ATRNL1: variants seen among roughly 807,000 people sequenced by gnomAD.
ATRNL1 encodes the protein attractin-like protein 1.
In ATRNL1, 95 loss-of-function variants were observed where a neutral mutation model predicts 182.7. The ratio of observed to expected loss-of-function variants is 0.52; its 90% confidence interval spans 0.44 to 0.62. The LOEUF (loss-of-function observed/expected upper bound fraction) is 0.62. Ranked by LOEUF, ATRNL1 falls within the 20% of genes least tolerant of loss-of-function variation. The pLI, the probability that ATRNL1 is intolerant of heterozygous loss-of-function variation, is 0.00. For synonymous variants in ATRNL1, 576 were observed against 568.3 expected (o/e 1.01, Z -0.19); for missense variants, 1,471 against 1,679.5 (o/e 0.88, Z 2.17).
intron 24 of ATRNL1, among the ~76,000 whole-genome samples, chr10:115,498,555 T>C (rs538181653): frequency 6.6e-6 from 1 of 152,112 alleles, no homozygotes; most frequent in African/African-American, 2.4e-5. Context: ...CTTTGTAAGA[T>C]TTTTCTTCTG....
At chr10:115,598,237 A>T (rs1184186708) in intron 26 of ATRNL1, among the ~76,000 whole-genome samples, 1 of 151,174 alleles carries the variant, frequency 6.6e-6, no homozygotes, top group African/African-American at 2.4e-5. Flanking sequence ...GTGTGAGCAT[A>T]TAACTATAGA....
At chr10:115,898,367 C>T (rs1555112964) in intron 28 of ATRNL1, among the ~76,000 whole-genome samples, 1 of 152,194 alleles carries the variant, frequency 6.6e-6, no homozygotes, top group African/African-American at 2.4e-5. Flanking sequence ...CCAGTTTGCA[C>T]CATGTGATTT....
chr10:115,561,570 T>C (rs1368257532), intron 26 of ATRNL1, among the ~76,000 whole-genome samples: 1 of 152,166 alleles, frequency 6.6e-6, no homozygotes, highest in Non-Finnish European at 1.5e-5. Flanking sequence ...TATATGCCAC[T>C]ATGACACCAT....
At chr10:115,225,477 A>AATATAATATAATATG (rs1849655574) in intron 9 of ATRNL1, among the ~76,000 whole-genome samples, 1 of 147,050 alleles carries the variant, frequency 6.8e-6, no homozygotes, top group South Asian at 2.1e-4. Context: ...AAGGCAGATT[A>AATATAATATAATATG]ATATAATATA....
chr10:115,749,134 T>A (rs989021421), intron 27 of ATRNL1, among the ~76,000 whole-genome samples: 1 of 151,956 alleles, frequency 6.6e-6, no homozygotes, highest in African/African-American at 2.4e-5. Context: ...CAAACTAGAA[T>A]AGAATACTAT....
At position 115,624,789 on chromosome 10, in the gene ATRNL1, A is replaced by G. The variant is rs568445329; in HGVS notation, c.3795+75253A>G. Among the ~76,000 whole-genome samples, 5 of 152,314 alleles carry G rather than the reference A, an allele frequency of 3.3e-5. No individual in the cohort carries two copies. The East Asian group carries it at 5.8e-4, about 18-fold the overall frequency. ...AAAGTAGTGTCTATAATGCTCCTAT[A>G]TAAAATAATTAGGGGGTGATAAGGA... On this transcript the variant is annotated intron_variant, in intron 26 of 28. Coordinates refer to ENST00000355044, the MANE Select transcript of ATRNL1 (RefSeq NM_207303.4).
At chr10:115,274,319 C>T (rs782167362) in intron 13 of ATRNL1, among the ~76,000 whole-genome samples, 4 of 152,086 alleles carry the variant, frequency 2.6e-5, no homozygotes, top group African/African-American at 9.7e-5. Flanking sequence ...AGTAACATAC[C>T]CCAGTGAGGA....
chr10:115,914,151 G>T (rs1275371445), intron 28 of ATRNL1, among the ~76,000 whole-genome samples: 4 of 152,176 alleles, frequency 2.6e-5, no homozygotes, highest in African/African-American at 9.6e-5. Context: ...ACCATGTGAA[G>T]AAGAACGTGT....
intron 26 of ATRNL1, among the ~76,000 whole-genome samples, chr10:115,721,804 C>G (rs1372148540): frequency 6.6e-6 from 1 of 152,112 alleles, no homozygotes; most frequent in African/African-American, 2.4e-5. Flanking sequence ...ATATTTTAAT[C>G]AAAGATCCAG....
At chr10:115,159,217 G>A (rs1212735615) in intron 5 of ATRNL1, among the ~76,000 whole-genome samples, 1 of 151,312 alleles carries the variant, frequency 6.6e-6, no homozygotes, top group Non-Finnish European at 1.5e-5. Context: ...AAACATAGGA[G>A]TTTATGTCTA....
At chr10:115,932,938 C>A (rs1953447602) in intron 28 of ATRNL1, among the ~76,000 whole-genome samples, 1 of 152,122 alleles carries the variant, frequency 6.6e-6, no homozygotes, top group African/African-American at 2.4e-5. Flanking sequence ...AACACTTTAG[C>A]CTTGACTTAA....
At position 115,622,804 on chromosome 10, in the gene ATRNL1, G is replaced by A. The variant is rs537023398; in HGVS notation, c.3795+73268G>A. 2.8e-4 allele frequency among the ~76,000 whole-genome samples: 43 copies of A among 152,182 alleles called. 1 individual carries two copies. The South Asian group carries it at 8.5e-3, about 30-fold the overall frequency. On this transcript the variant is annotated intron_variant, in intron 26 of 28. Transcript: ENST00000355044. The stretch of plus-strand genomic sequence containing the variant: ...TAGCCAGGCAAGGTGGCGGGCGCCT[G>A]TAGTCCCAGCTACGTGGGAGGCTGA...
At chr10:115,774,624 A>G (rs1286282507) in intron 27 of ATRNL1, among the ~76,000 whole-genome samples, 1 of 152,014 alleles carries the variant, frequency 6.6e-6, no homozygotes, top group East Asian at 1.9e-4. Flanking sequence ...GTTTAAGCCA[A>G]TATTTATTTC....
At chr10:115,716,089 T>TA (rs1565313056) in intron 26 of ATRNL1, among the ~76,000 whole-genome samples, 1 of 152,184 alleles carries the variant, frequency 6.6e-6, no homozygotes, top group Non-Finnish European at 1.5e-5. Context: ...TCATTTTTTT[T>TA]AAAAAACATC....
At chr10:115,351,267 G>A (rs1856236060) in intron 19 of ATRNL1, among the ~76,000 whole-genome samples, 1 of 152,014 alleles carries the variant, frequency 6.6e-6, no homozygotes, top group Non-Finnish European at 1.5e-5. Context: ...CTCTGGGTGG[G>A]ACTTCCAGTA....
At chr10:115,376,428 A>T (rs1279197947) in intron 19 of ATRNL1, among the ~76,000 whole-genome samples, 2 of 152,130 alleles carry the variant, frequency 1.3e-5, no homozygotes, top group Non-Finnish European at 2.9e-5. Context: ...AGCTAGGACT[A>T]CAGATGCATG....
intron 19 of ATRNL1, among the ~76,000 whole-genome samples, chr10:115,346,276 T>A (rs1322900599): frequency 6.6e-6 from 1 of 152,146 alleles, no homozygotes; most frequent in African/African-American, 2.4e-5. Flanking sequence ...CCCACCTCCT[T>A]CCAGACCCTA....
intron 26 of ATRNL1, among the ~76,000 whole-genome samples, chr10:115,642,963 T>G (rs2133861377): frequency 6.6e-6 from 1 of 152,272 alleles, no homozygotes; most frequent in South Asian, 2.1e-4. Flanking sequence ...TTCTCATAAC[T>G]TCGAGGTTTC....
chr10:115,543,461 T>C (rs1283274717), intron 25 of ATRNL1, among the ~76,000 whole-genome samples: 2 of 152,168 alleles, frequency 1.3e-5, no homozygotes, highest in Non-Finnish European at 2.9e-5. Flanking sequence ...GGAGGTAAAT[T>C]TCTTCATTTC....
Sources: allele counts gnomAD v4.1 joint callset (sites outside exome capture counted in the v4.1 genomes callset), GRCh38; gene constraint gnomAD v4.1.1; transcripts MANE v1.5; gene names NCBI Gene and HGNC (gene_info 2026-07-23, HGNC 2026-07-21).